Variants in PGGT1B observed in about 807,000 individuals in gnomAD.
The protein encoded by PGGT1B is geranylgeranyl transferase type-1 subunit beta.
Under a neutral mutation model 46.1 loss-of-function variants are expected in PGGT1B, and 30 were observed. The observed-to-expected ratio is 0.65, with a 90% CI of 0.49 to 0.88. The LOEUF (loss-of-function observed/expected upper bound fraction) is 0.88. PGGT1B is among the 40% of genes least tolerant of loss of function. The pLI is 0.00. For synonymous variants in PGGT1B, 170 were observed against 160.0 expected (o/e 1.06, Z -0.47); for missense variants, 376 against 455.9 (o/e 0.82, Z 1.60).
At chr5:115,246,504 T>G (rs778191914) in intron 2 of PGGT1B, among the ~76,000 whole-genome samples, 2 of 152,212 alleles carry the variant, frequency 1.3e-5, no homozygotes, top group African/African-American at 4.8e-5. Flanking sequence ...ACACACACAA[T>G]TCATTGTAAA....
intron 2 of PGGT1B, among the ~76,000 whole-genome samples, chr5:115,247,413 T>C (rs115126228): frequency 0.012 from 1,788 of 152,256 alleles, 27 homozygotes; most frequent in Middle Eastern, 0.027. Context: ...CTTAAATATA[T>C]TTCAAAACTG....
chr5:115,230,224 C>T (rs976332539), intron 6 of PGGT1B, among the ~76,000 whole-genome samples: 2 of 151,622 alleles, frequency 1.3e-5, no homozygotes, highest in African/African-American at 4.8e-5. Flanking sequence ...GAGACAAGAA[C>T]ACTGATCTGT....
At chr5:115,240,956 C>G (rs1480914077) in intron 3 of PGGT1B, among the ~76,000 whole-genome samples, 1 of 152,148 alleles carries the variant, frequency 6.6e-6, no homozygotes, top group African/African-American at 2.4e-5. Flanking sequence ...AAATAAAGCT[C>G]CTCCCTCTGT....
At position 115,208,383 on chromosome 5, in the gene PGGT1B, A is replaced by G. The variant is rs1756125253; in HGVS notation, c.*4019T>C. The G allele has an allele frequency of 2.6e-5, 4 of 152,018 alleles. No homozygotes were observed. In the South Asian group the frequency reaches 8.3e-4, roughly 32 times the overall value. 9.4% of individuals were successfully genotyped at this position (152,018 alleles called of 1,614,324 possible). A position where few individuals can be genotyped will look rare whatever the true frequency, so the allele number is the denominator to read the frequency against. The stretch of plus-strand genomic sequence containing the variant: ...ATCCCCTTGAAACAATCTGGGCTTG[A>G]TGCTTCTTTTGGTAAGGGGTACTTT... On this transcript the variant is annotated 3_prime_UTR_variant, in exon 9 of 9. Transcript: ENST00000419445.
At chr5:115,236,043 C>A (rs1156880228) in intron 5 of PGGT1B, among the ~76,000 whole-genome samples, 1 of 152,092 alleles carries the variant, frequency 6.6e-6, no homozygotes, top group Non-Finnish European at 1.5e-5. Context: ...CCAAAGATAA[C>A]ATAATCTTCC....
intron 6 of PGGT1B, among the ~76,000 whole-genome samples, chr5:115,228,840 G>C (rs1756878916): frequency 6.6e-6 from 1 of 151,994 alleles, no homozygotes; most frequent in South Asian, 2.1e-4. Flanking sequence ...ATAAGATGAG[G>C]AATGAGAAAA....
At position 115,210,418 on chromosome 5, in the gene PGGT1B, G is replaced by T. The variant is rs1412436464; in HGVS notation, c.*1984C>A. 1.3e-5 allele frequency: 2 copies of T among 151,976 alleles called. No individual in the cohort carries two copies. The allele number at this position is 151,976 out of a possible 1,614,324, so 9.4% of individuals were successfully genotyped here. A position where few individuals can be genotyped will look rare whatever the true frequency, so the allele number is the denominator to read the frequency against. On this transcript the variant is annotated 3_prime_UTR_variant, in exon 9 of 9. Transcript: ENST00000419445. ...AATAGTTTCTCCACAATTCACACTG[G>T]GCTGCTATTTTCTGGTCAATTCAGT...
chr5:115,252,230 T>A (rs1748132545), intron 2 of PGGT1B, among the ~76,000 whole-genome samples: 1 of 152,090 alleles, frequency 6.6e-6, no homozygotes, highest in African/African-American at 2.4e-5. Context: ...AATACTTAAA[T>A]CATTTTTTAA....
chr5:115,262,505 G>T, intron 1 of PGGT1B: 1 of 552,288 alleles, frequency 1.8e-6, no homozygotes, highest in Non-Finnish European at 3.2e-6. Context: ...AACTGGAGAT[G>T]CCACAGCCCT....
rs959699105 is a variant in PGGT1B, at chr5:115,204,131, G to A, written c.*8271C>T. 6.6e-5 allele frequency: 10 copies of A among 152,164 alleles called. No individual in the cohort carries two copies. Among genetic ancestry groups the A allele is most frequent in the Non-Finnish European group, 1.2e-4 (8 of 68,024 alleles). The allele number at this position is 152,164 out of a possible 1,614,324, so 9.4% of individuals were successfully genotyped here. On this transcript the variant is annotated 3_prime_UTR_variant, in exon 9 of 9. Coordinates refer to ENST00000419445, the MANE Select transcript of PGGT1B (RefSeq NM_005023.4). ...ATTGTTGAATTATAAAGAGCTTACT[G>A]TTAAGAATCCTATCTTTTTAAAATA...
chr5:115,213,376 G>T (rs1756299401), intron 8 of PGGT1B, among the ~76,000 whole-genome samples: 1 of 152,170 alleles, frequency 6.6e-6, no homozygotes, highest in South Asian at 2.1e-4. Flanking sequence ...GAAGAGCTCA[G>T]AGCTTTGCAG....
rs115931862 is a variant in PGGT1B, at chr5:115,227,007, T to A, written c.658+3969A>T. On this transcript the variant is annotated intron_variant, in intron 6 of 8. Coordinates refer to ENST00000419445, the MANE Select transcript of PGGT1B (RefSeq NM_005023.4). Reference sequence around the variant, plus strand: ...AAGGAATATTAGCAACGTCCAGAGGTGAAAAGCCACATACAAATGTTTGGA... The same window carrying A: ...AAGGAATATTAGCAACGTCCAGAGGAGAAAAGCCACATACAAATGTTTGGA... Among the ~76,000 whole-genome samples, 455 of 152,080 alleles carry A rather than the reference T, an allele frequency of 3.0e-3. 1 individual carries two copies. Among genetic ancestry groups the A allele is most frequent in the African/African-American group, 0.01 (423 of 41,510 alleles).
chr5:115,221,802 C>A (rs1397254547), intron 7 of PGGT1B, 22 bp downstream of exon 7: 4 of 1,484,932 alleles, frequency 2.7e-6, no homozygotes, highest in South Asian at 2.5e-5. Context: ...ATAGGTTTCT[C>A]ATTTTTTATT....
At position 115,210,545 on chromosome 5, in the gene PGGT1B, T is replaced by C. The variant is rs1756191573; in HGVS notation, c.*1857A>G. 6.6e-6 allele frequency: 1 copy of C among 152,070 alleles called. No individual in the cohort carries two copies. Among genetic ancestry groups the C allele is most frequent in the Admixed American group, 6.6e-5 (1 of 15,242 alleles). 9.4% of individuals were successfully genotyped at this position (152,070 alleles called of 1,614,324 possible). A position where few individuals can be genotyped will look rare whatever the true frequency, so the allele number is the denominator to read the frequency against. Reference sequence around the variant, plus strand: ...TACTAAAATTTATAATCTTATGGTATTAAATTATCAGGAGTTAGAAAATAT... The same window carrying C: ...TACTAAAATTTATAATCTTATGGTACTAAATTATCAGGAGTTAGAAAATAT... On this transcript the variant is annotated 3_prime_UTR_variant, in exon 9 of 9. Transcript: ENST00000419445.
chr5:115,206,900 C>T lies in PGGT1B; in HGVS notation c.*5502G>A, dbSNP rs914470081. ...GTTTCCATGGTTATTCTAGTATGTT[C>T]TCTCAAATAACAATATAATTTTTAT... On this transcript the variant is annotated 3_prime_UTR_variant, in exon 9 of 9. Transcript: ENST00000419445. 6.6e-6 allele frequency: 1 copy of T among 151,564 alleles called. No homozygotes were observed. Among genetic ancestry groups the T allele is most frequent in the Non-Finnish European group, 1.5e-5 (1 of 67,762 alleles). 9.4% of individuals were successfully genotyped at this position (151,564 alleles called of 1,614,324 possible). A position where few individuals can be genotyped will look rare whatever the true frequency, so the allele number is the denominator to read the frequency against.
At chr5:115,225,650 T>C (rs939566640) in intron 6 of PGGT1B, among the ~76,000 whole-genome samples, 1 of 111,868 alleles carries the variant, frequency 8.9e-6, no homozygotes, top group Non-Finnish European at 1.9e-5. Context: ...GTAAAGTAAA[T>C]TTTTTTTTTT....
intron 1 of PGGT1B, among the ~76,000 whole-genome samples, chr5:115,261,213 G>A (rs1443496436): frequency 3.3e-5 from 5 of 152,070 alleles, no homozygotes; most frequent in African/African-American, 4.8e-5. Flanking sequence ...ATAACCTTTC[G>A]GTTTGGAAAT....
At chr5:115,217,730 GCTAAACTCAT>G (rs1561470098) in intron 7 of PGGT1B, among the ~76,000 whole-genome samples, 1 of 151,852 alleles carries the variant, frequency 6.6e-6, no homozygotes, top group Non-Finnish European at 1.5e-5. Flanking sequence ...AAAAAGAAAA[GCTAAACTCAT>G]AAGAAAGTTA....
At position 115,210,258 on chromosome 5, in the gene PGGT1B, T is replaced by C. The variant is rs949179002; in HGVS notation, c.*2144A>G. ...AGTATAGAGTAGGTAACAGAGCTTT[T>C]TGAGATTTCGGACTTCGTATTTTCC... On this transcript the variant is annotated 3_prime_UTR_variant, in exon 9 of 9. Coordinates refer to ENST00000419445, the MANE Select transcript of PGGT1B (RefSeq NM_005023.4). 2.6e-5 allele frequency: 4 copies of C among 152,132 alleles called. No homozygotes were observed. Among genetic ancestry groups the C allele is most frequent in the African/African-American group, 4.8e-5 (2 of 41,454 alleles). 9.4% of individuals were successfully genotyped at this position (152,132 alleles called of 1,614,324 possible).
Sources: allele counts gnomAD v4.1 joint callset (sites outside exome capture counted in the v4.1 genomes callset), GRCh38; gene constraint gnomAD v4.1.1; transcripts MANE v1.5; gene names NCBI Gene and HGNC (gene_info 2026-07-23, HGNC 2026-07-21).